Variants in FGGY observed in about 807,000 individuals in gnomAD.
FGGY encodes FGGY carbohydrate kinase domain containing.
Under a neutral mutation model 71.3 loss-of-function variants are expected in FGGY, and 72 were observed. The observed-to-expected ratio is 1.01, with a 90% CI of 0.84 to 1.23. FGGY has a LOEUF of 1.23. Among genes scored for constraint, FGGY ranks in the 50% most tolerant of loss-of-function variants. FGGY has a pLI of 0.00. For missense variants in FGGY, 668 were observed against 682.3 expected, an observed-to-expected ratio of 0.98 and a Z score of 0.23; for synonymous variants, 251 against 250.3, an observed-to-expected ratio of 1.00 and a Z score of -0.02.
chr1:59,527,399 C>G (rs747855241), intron 7 of FGGY, among the ~76,000 whole-genome samples: 1 of 152,190 alleles, frequency 6.6e-6, no homozygotes, highest in African/African-American at 2.4e-5. Context: ...CAGTGTTTCA[C>G]GATCACTGTT....
At chr1:59,661,163 T>C (rs1243438159) in intron 12 of FGGY, among the ~76,000 whole-genome samples, 1 of 152,262 alleles carries the variant, frequency 6.6e-6, no homozygotes, top group Non-Finnish European at 1.5e-5. Flanking sequence ...ATGCTATACG[T>C]ACATATATGA....
intron 10 of FGGY, 87 bp downstream of exon 10, chr1:59,626,136 T>A: frequency 9.3e-7 from 1 of 1,071,944 alleles, no homozygotes. Flanking sequence ...GATTTTCAGA[T>A]CCTACAGACA....
intron 4 of FGGY, among the ~76,000 whole-genome samples, chr1:59,362,024 G>A (rs941350583): frequency 6.6e-6 from 1 of 152,120 alleles, no homozygotes; most frequent in Admixed American, 6.5e-5. Context: ...CGCGAACACG[G>A]CTGATTTCTG....
intron 14 of FGGY, among the ~76,000 whole-genome samples, chr1:59,743,155 T>C (rs1473145887): frequency 6.6e-6 from 1 of 152,234 alleles, no homozygotes; most frequent in Non-Finnish European, 1.5e-5. Flanking sequence ...CTTGGACTTC[T>C]TTAGGTCCTT....
At chr1:59,749,593 T>C (rs1412355163) in intron 14 of FGGY, among the ~76,000 whole-genome samples, 1 of 152,182 alleles carries the variant, frequency 6.6e-6, no homozygotes, top group Non-Finnish European at 1.5e-5. Context: ...CAAATCCTTA[T>C]AGATTAACTA....
chr1:59,326,549 T>G (rs1013566482), intron 2 of FGGY, among the ~76,000 whole-genome samples: 12 of 152,228 alleles, frequency 7.9e-5, no homozygotes, highest in African/African-American at 2.9e-4. Flanking sequence ...TAAGTGATTT[T>G]CCTAAGGTCA....
intron 2 of FGGY, among the ~76,000 whole-genome samples, chr1:59,327,000 C>G (rs1403743495): frequency 6.6e-6 from 1 of 152,130 alleles, no homozygotes; most frequent in Non-Finnish European, 1.5e-5. Context: ...TAATGATCAT[C>G]GAAGCCTGCA....
intron 8 of FGGY, among the ~76,000 whole-genome samples, chr1:59,571,071 C>T (rs2153734060): frequency 6.6e-6 from 1 of 152,274 alleles, no homozygotes; most frequent in South Asian, 2.1e-4. Context: ...TCTGTGGACC[C>T]CTGGGTCCAG....
chr1:59,729,947 GTAAAA>G (rs1374728296), intron 14 of FGGY, among the ~76,000 whole-genome samples: 1 of 152,096 alleles, frequency 6.6e-6, no homozygotes, highest in African/African-American at 2.4e-5. Context: ...GAAAAACACT[GTAAAA>G]AATATTTTAC....
intron 4 of FGGY, among the ~76,000 whole-genome samples, chr1:59,372,125 C>G (rs913056488): frequency 6.6e-6 from 1 of 152,174 alleles, no homozygotes; most frequent in Admixed American, 6.5e-5. Context: ...AATCCAGGAG[C>G]TGGTTTTTTG....
chr1:59,542,736 A>G (rs769713557), intron 7 of FGGY, among the ~76,000 whole-genome samples: 2 of 152,166 alleles, frequency 1.3e-5, no homozygotes, highest in African/African-American at 2.4e-5. Context: ...GATTACAGGC[A>G]TGAGCCAACA....
chr1:59,406,945 G>A (rs1003350627), intron 5 of FGGY, among the ~76,000 whole-genome samples: 1 of 152,206 alleles, frequency 6.6e-6, no homozygotes, highest in African/African-American at 2.4e-5. Context: ...TGTTTGCACT[G>A]AGATCCATTT....
chr1:59,383,393 G>T (rs567665298), intron 5 of FGGY, among the ~76,000 whole-genome samples: 2 of 152,204 alleles, frequency 1.3e-5, no homozygotes, highest in East Asian at 3.9e-4. Flanking sequence ...AAGGCCTAAT[G>T]AATTTTTTGA....
intron 9 of FGGY, among the ~76,000 whole-genome samples, chr1:59,618,436 C>T (rs1276837724): frequency 6.6e-6 from 1 of 152,046 alleles, no homozygotes; most frequent in Non-Finnish European, 1.5e-5. Context: ...CCAAGCTGGC[C>T]ACCAGAGGCC....
chr1:59,624,272 T>C (rs1427525622), intron 9 of FGGY, among the ~76,000 whole-genome samples: 3 of 152,294 alleles, frequency 2.0e-5, no homozygotes, highest in Non-Finnish European at 4.4e-5. Flanking sequence ...TCTTAAAATA[T>C]AGAGACTGCA....
intron 7 of FGGY, among the ~76,000 whole-genome samples, chr1:59,535,478 AG>A (rs796709498): frequency 1.3e-5 from 2 of 152,274 alleles, no homozygotes; most frequent in South Asian, 2.1e-4. Context: ...TGCACCAAGG[AG>A]ACCTAATAGA....
chr1:59,526,438 G>C (rs2094981986), intron 7 of FGGY, among the ~76,000 whole-genome samples: 1 of 152,220 alleles, frequency 6.6e-6, no homozygotes, highest in Non-Finnish European at 1.5e-5. Flanking sequence ...GGAATACCAG[G>C]ATGAAGATGA....
At chr1:59,527,391 G>T (rs1050647553) in intron 7 of FGGY, among the ~76,000 whole-genome samples, 1 of 152,190 alleles carries the variant, frequency 6.6e-6, no homozygotes, top group East Asian at 1.9e-4. Flanking sequence ...TCTACCTTCA[G>T]TGTTTCACGA....
At chr1:59,725,590 T>G (rs927940396) in intron 14 of FGGY, among the ~76,000 whole-genome samples, 1 of 152,156 alleles carries the variant, frequency 6.6e-6, no homozygotes, top group African/African-American at 2.4e-5. Context: ...TTTGTTAGAT[T>G]TATACCTAAG....
Sources: gnomAD v4.1 joint callset for allele counts (sites outside exome capture counted in the v4.1 genomes callset) on GRCh38, gnomAD v4.1.1 for gene constraint, MANE v1.5 for transcripts, NCBI Gene and HGNC (gene_info 2026-07-23, HGNC 2026-07-21) for gene names.